Variants in HTR2C observed in about 807,000 individuals in gnomAD.
HTR2C encodes 5-hydroxytryptamine receptor 2C, also known as 5-hydroxytryptamine (serotonin) receptor 2C, G protein-coupled.
In HTR2C, 5 loss-of-function variants were observed where a neutral mutation model predicts 21.0. The ratio of observed to expected loss-of-function variants is 0.24; its 90% CI spans 0.12 to 0.50. HTR2C has a LOEUF of 0.50. Among genes scored for constraint, HTR2C ranks in the 20% least tolerant of loss-of-function variants. The pLI is 0.98. For missense variants in HTR2C, 271 were observed against 371.2 expected (o/e 0.73, Z 2.22); for synonymous variants, 150 against 145.3 (o/e 1.03, Z -0.23).
intron 5 of HTR2C, among the ~76,000 whole-genome samples, chrX:114,879,878 C>T (rs1459143957): frequency 2.7e-5 from 3 of 110,516 alleles, no homozygotes; most frequent in African/African-American, 9.8e-5. Flanking sequence ...TTTGCAATTG[C>T]GAATTGTGCT....
At chrX:114,650,769 T>C (rs1347663369) in intron 2 of HTR2C, among the ~76,000 whole-genome samples, 1 of 112,093 alleles carries the variant, frequency 8.9e-6, no homozygotes, top group African/African-American at 3.2e-5. Flanking sequence ...TTGCTTTCTA[T>C]TGAAGTAAGA....
chrX:114,619,263 C>G (rs979347501), intron 2 of HTR2C, among the ~76,000 whole-genome samples: 18 of 109,992 alleles, frequency 1.6e-4, no homozygotes, highest in Admixed American at 9.7e-5. Context: ...AATATCTTCA[C>G]TCCATTTCTA....
chrX:114,773,570 T>G (rs987453473), intron 4 of HTR2C, among the ~76,000 whole-genome samples: 10 of 112,315 alleles, frequency 8.9e-5, no homozygotes, highest in African/African-American at 2.9e-4. Context: ...AACAGTTGTT[T>G]GTCAGTGCAC....
intron 4 of HTR2C, chrX:114,775,796 G>T: frequency 4.8e-6 from 2 of 417,837 alleles, no homozygotes; most frequent in South Asian, 3.4e-5. Flanking sequence ...ATGAATCTGT[G>T]ACTTGTCTAG....
At chrX:114,844,810 CAT>C (rs2055757689) in intron 4 of HTR2C, among the ~76,000 whole-genome samples, 1 of 111,619 alleles carries the variant, frequency 9.0e-6, no homozygotes, top group African/African-American at 3.2e-5. Context: ...CCATCAAGAA[CAT>C]ATAACAATTA....
chrX:114,852,036 G>T (rs1294996396), intron 5 of HTR2C, among the ~76,000 whole-genome samples: 1 of 110,952 alleles, frequency 9.0e-6, no homozygotes, highest in Non-Finnish European at 1.9e-5. Context: ...TACCATACAA[G>T]AAATTAATTT....
At chrX:114,605,309 G>A (rs1928360567) in intron 1 of HTR2C, among the ~76,000 whole-genome samples, 1 of 111,067 alleles carries the variant, frequency 9.0e-6, no homozygotes, top group Non-Finnish European at 1.9e-5. Context: ...GGGTGGAGGA[G>A]CAGAGGCTGA....
intron 4 of HTR2C, among the ~76,000 whole-genome samples, chrX:114,823,122 G>T (rs2070649092): frequency 8.9e-6 from 1 of 111,747 alleles, no homozygotes; most frequent in African/African-American, 3.3e-5. Flanking sequence ...AGGTAATACA[G>T]GTTGACTAAA....
chrX:114,835,595 T>G (rs1466768126), intron 4 of HTR2C, among the ~76,000 whole-genome samples: 21 of 111,163 alleles, frequency 1.9e-4, no homozygotes, highest in African/African-American at 6.5e-4. Flanking sequence ...GTTATTCTAG[T>G]TATACATTCT....
intron 1 of HTR2C, among the ~76,000 whole-genome samples, chrX:114,595,470 G>A (rs1927799098): frequency 9.1e-6 from 1 of 109,791 alleles, no homozygotes; most frequent in Non-Finnish European, 1.9e-5. Context: ...CAATCATCCC[G>A]CCTCTGCCTC....
chrX:114,875,005 G>A (rs1211736138), intron 5 of HTR2C, among the ~76,000 whole-genome samples: 1 of 111,347 alleles, frequency 9.0e-6, no homozygotes. Flanking sequence ...ACAGCATATA[G>A]ATAAGTAAAA....
At chrX:114,762,323 T>A (rs1208812332) in intron 4 of HTR2C, among the ~76,000 whole-genome samples, 1 of 98,163 alleles carries the variant, frequency 1.0e-5, no homozygotes, top group Non-Finnish European at 2.1e-5. Flanking sequence ...TCCACTGTCA[T>A]CCCTGGGGAT....
intron 2 of HTR2C, among the ~76,000 whole-genome samples, chrX:114,692,835 T>C (rs1932148287): frequency 8.9e-6 from 1 of 111,973 alleles, no homozygotes; most frequent in Admixed American, 9.6e-5. Context: ...TTTTTTTCTT[T>C]GAAAGCCAAT....
chrX:114,777,379 G>A (rs962791140), intron 4 of HTR2C, among the ~76,000 whole-genome samples: 6 of 111,726 alleles, frequency 5.4e-5, no homozygotes, highest in Non-Finnish European at 9.4e-5. Flanking sequence ...TTGGCATTAT[G>A]GAATACAGAG....
intron 4 of HTR2C, among the ~76,000 whole-genome samples, chrX:114,762,623 T>C (rs2069891993): frequency 8.9e-6 from 1 of 112,052 alleles, no homozygotes. Context: ...CATATTGTTA[T>C]AGTGGCTCTT....
intron 4 of HTR2C, among the ~76,000 whole-genome samples, chrX:114,809,290 G>A (rs782405920): frequency 4.8e-4 from 53 of 109,968 alleles, no homozygotes; most frequent in Middle Eastern, 9.7e-3. Context: ...CCCCATGCAC[G>A]TGACGAGTAC....
At chrX:114,876,315 G>T (rs2071134333) in intron 5 of HTR2C, among the ~76,000 whole-genome samples, 1 of 107,993 alleles carries the variant, frequency 9.3e-6, no homozygotes, top group South Asian at 4.0e-4. Flanking sequence ...GATACTTTAG[G>T]GTTTTACTTA....
chrX:114,771,022 G>A (rs952284907), intron 4 of HTR2C, among the ~76,000 whole-genome samples: 11 of 110,340 alleles, frequency 1.0e-4, no homozygotes, highest in Admixed American at 5.8e-4. Context: ...GGCTGGTCTC[G>A]AACTCCTGAC....
intron 2 of HTR2C, among the ~76,000 whole-genome samples, chrX:114,649,496 G>A (rs1025329100): frequency 1.8e-5 from 2 of 112,251 alleles, no homozygotes; most frequent in Admixed American, 9.5e-5. Flanking sequence ...TCTGAATTGG[G>A]GGACACCAGC....
Sources: gnomAD v4.1 joint callset for allele counts (sites outside exome capture counted in the v4.1 genomes callset) on GRCh38, gnomAD v4.1.1 for gene constraint, MANE v1.5 for transcripts, NCBI Gene and HGNC (gene_info 2026-07-23, HGNC 2026-07-21) for gene names.